The following JTB variants were observed in gnomAD, a reference collection of about 807,000 sequenced individuals.
JTB encodes the protein jumping translocation breakpoint, also known as protein JTB.
JTB carries 10 observed loss-of-function variants against 22.1 expected under a neutral mutation model. The observed-to-expected ratio is 0.45, with a 90% CI of 0.28 to 0.77. JTB has a LOEUF of 0.77. JTB is among the 30% of genes least tolerant of loss of function. JTB has a pLI of 0.13. For synonymous variants in JTB, 83 were observed against 66.8 expected (o/e 1.24, Z -1.18); for missense variants, 137 against 180.3 (o/e 0.76, Z 1.38).
chr1:153,977,238 G>A lies in JTB; in HGVS notation c.15C>T (p.Ala5=). 6.2e-7 allele frequency: 1 copy of A among 1,614,118 alleles called. No individual in the cohort carries two copies. The highest frequency in any genetic ancestry group is 1.1e-5 in the South Asian group (1 of 91,050). The change falls in exon 1 of 5, where the codon GCC becomes GCT. Residue 5 remains alanine (A), a synonymous_variant. Coordinates refer to ENST00000271843, the MANE Select transcript of JTB (RefSeq NM_006694.4). ...GGCCCTGGGGGAGGCCAGGCCTCCC[G>A]GCACCCGCAAGCATGGAGCGCCAAG... The part of the protein sequence containing the change: MLAG[A]GRPGLPQGRH...
At position 153,977,551 on chromosome 1, in the gene JTB, C is replaced by T; in HGVS notation, c.-299G>A. 2 of 1,123,370 alleles carry T rather than the reference C, an allele frequency of 1.8e-6. No individual in the cohort carries two copies. Among genetic ancestry groups the T allele is most frequent in the Non-Finnish European group, 2.2e-6 (2 of 913,826 alleles). 69.6% of individuals were successfully genotyped at this position (1,123,370 alleles called of 1,614,324 possible). On this transcript the variant is annotated 5_prime_UTR_variant, in exon 1 of 5. Transcript: ENST00000271843. ...GCCCTAGCGCCCGCTCACCTCCGCT[C>T]CCGCCCCCGACGCAGCCATCTAGCC...
intron 4 of JTB, among the ~76,000 whole-genome samples, chr1:153,975,293 G>A (rs996218874): frequency 6.6e-6 from 1 of 151,458 alleles, no homozygotes; most frequent in Non-Finnish European, 1.5e-5. Flanking sequence ...GCTAATTTTT[G>A]TATCTTTAAG....
rs1648805472 is a variant in JTB, at chr1:153,976,695, C to G, written c.202G>C (p.Ala68Pro). ...AGGGTAGAGAAATAGATACTCACAG[C>G]CCGGAAATTAGAGCATGGAGAGCAC... ...EECSPCSNFR[A>P]KTTPECGPTG... Residue 68 changes from alanine to proline, a missense_variant and splice_region_variant, in exon 3 of 5, where the codon GCT becomes CCT. Transcript: ENST00000271843. The G allele has an allele frequency of 6.2e-7, 1 of 1,613,412 alleles. No individual in the cohort carries two copies. The highest frequency in any genetic ancestry group is 2.2e-5 in the East Asian group (1 of 44,870).
chr1:153,977,664 T>A lies in JTB; in HGVS notation c.-412A>T, dbSNP rs1280223034. On this transcript the variant is annotated 5_prime_UTR_variant, in exon 1 of 5. Transcript: ENST00000271843. ...CGTCGCCCGCTGGGGCTTATAGTCT[T>A]CCGCGTCGGTGGCGCCTCGCCTGCT... The A allele has an allele frequency of 1.0e-6, 1 of 990,882 alleles. No individual in the cohort carries two copies. The highest frequency in any genetic ancestry group is 1.7e-5 in the African/African-American group (1 of 57,366). 61.4% of individuals were successfully genotyped at this position (990,882 alleles called of 1,614,324 possible).
chr1:153,977,621 T>G lies in JTB; in HGVS notation c.-369A>C. 2 of 1,013,654 alleles carry G rather than the reference T, an allele frequency of 2.0e-6. No individual in the cohort carries two copies. The highest frequency in any genetic ancestry group is 1.2e-6 in the Non-Finnish European group (1 of 847,654). The allele number at this position is 1,013,654 out of a possible 1,614,324, so 62.8% of individuals were successfully genotyped here. The stretch of plus-strand genomic sequence containing the variant: ...GCGGGACCGAGCTCGGGGCCCGGTG[T>G]TCCCGGGGGCGTTCGGTCGTCGCCC... On this transcript the variant is annotated 5_prime_UTR_variant, in exon 1 of 5. Transcript: ENST00000271843.
intron 4 of JTB, among the ~76,000 whole-genome samples, chr1:153,975,069 C>T (rs1317055777): frequency 1.3e-5 from 2 of 152,168 alleles, no homozygotes; most frequent in Non-Finnish European, 2.9e-5. Flanking sequence ...TAACATAGTG[C>T]TGAGGAGTAG....
chr1:153,975,943 G>A (rs760197674), intron 3 of JTB, 38 bp from the exon 4 acceptor site: 51 of 1,469,058 alleles, frequency 3.5e-5, no homozygotes, highest in Middle Eastern at 3.4e-4. Flanking sequence ...TGTTAGGAAG[G>A]GGCAACAGGA....
Position 153,974,852 on chromosome 1 carries a change from A to C in JTB, c.285-17T>G. The C allele has an allele frequency of 1.3e-6, 2 of 1,593,424 alleles. No individual in the cohort carries two copies. The highest frequency in any genetic ancestry group is 1.7e-6 in the Non-Finnish European group (2 of 1,163,196). On this transcript the variant is annotated splice_polypyrimidine_tract_variant and intron_variant, in intron 4 of 4. Coordinates refer to ENST00000271843, the MANE Select transcript of JTB (RefSeq NM_006694.4). ...GAGCGGCAGCTGAGGGCAGGAAGGA[A>C]TAGTTATTCCCAAGGAAGGCCAGAC...
chr1:153,977,127 T>C, intron 1 of JTB, 43 bp downstream of exon 1: 1 of 1,614,032 alleles, frequency 6.2e-7, no homozygotes, highest in East Asian at 2.2e-5. Context: ...AACGATCCTG[T>C]CCTCCAGTGA....
At position 153,974,315 on chromosome 1, in the gene JTB, G is replaced by A. The variant is rs2102181444; in HGVS notation, c.*364C>T. 2.1e-6 allele frequency: 1 copy of A among 468,112 alleles called. No individual in the cohort carries two copies. Among genetic ancestry groups the A allele is most frequent in the South Asian group, 4.4e-5 (1 of 22,868 alleles). 29.0% of individuals were successfully genotyped at this position (468,112 alleles called of 1,614,324 possible). On this transcript the variant is annotated 3_prime_UTR_variant, in exon 5 of 5. Coordinates refer to ENST00000271843, the MANE Select transcript of JTB (RefSeq NM_006694.4). ...TTATTTCTTCTTTGGGTATAGGGTT[G>A]AGGGGAAATAAGTTTTGAGTGAGAA...
rs537869728 is a variant in JTB, at chr1:153,975,891, C to T, written c.219G>A (p.Glu73=). 6.2e-6 allele frequency: 10 copies of T among 1,613,914 alleles called. No individual in the cohort carries two copies. In the East Asian group the frequency reaches 1.8e-4, roughly 29 times the overall value. ...TCTCTACATATCCTGTGGGACCACA[C>T]TCAGGGGTAGTTTTCTGCCAGGAGA... ...CSNFRAKTTP[E]CGPTGYVEKI... is the part of the protein sequence containing the mutation. The change falls in exon 4 of 5, where the codon GAG becomes GAA. Residue 73 remains glutamate, a synonymous_variant. Transcript: ENST00000271843.
rs1235096388 is a variant in JTB at position 153,977,002 on chromosome 1, G to C, written c.95C>G (p.Ala32Gly). 1.9e-6 allele frequency: 3 copies of C among 1,614,078 alleles called. No individual in the cohort carries two copies. In the African/African-American group the frequency reaches 4.0e-5, roughly 22 times the overall value. ...AFTLKLCQAE[A>G]PVQEEKLSAS... is the part of the protein sequence containing the mutation. Reference sequence around the variant, plus strand: ...TGACAGCTTCTCTTCCTGCACGGGAGCCTCTGCTTGGCTGTAGCGGAGTTG... The same window carrying C: ...TGACAGCTTCTCTTCCTGCACGGGACCCTCTGCTTGGCTGTAGCGGAGTTG... Residue 32 changes from alanine (A) to glycine (G), a missense_variant, in exon 2 of 5, where the codon GCT becomes GGT. By Grantham distance (60) the Ala-to-Gly change is moderately conservative. Transcript: ENST00000271843.
Position 153,977,087 on chromosome 1 carries a change from G to C in JTB, c.84-74C>G, listed in dbSNP as rs1011787788. On this transcript the variant is annotated intron_variant, in intron 1 of 4. Coordinates refer to ENST00000271843, the MANE Select transcript of JTB (RefSeq NM_006694.4). ...GGCACCCCCTCCTGCGCTGTCCATG[G>C]ATAAGATCTCCCCCAGCCCCGAGGC... 1.9e-6 allele frequency: 3 copies of C among 1,614,012 alleles called. No individual in the cohort carries two copies. In the Admixed American group the frequency reaches 5.0e-5, roughly 27 times the overall value.
At chr1:153,976,659 TAAA>T in intron 3 of JTB, 31 bp downstream of exon 3, 2 of 1,190,234 alleles carry the variant, frequency 1.7e-6, no homozygotes, top group Non-Finnish European at 2.3e-6. Flanking sequence ...CTTAGATGTT[TAAA>T]AAAAAAAAGG....
In JTB at chr1:153,977,592, G is replaced by C; in HGVS notation, c.-340C>G. 9.7e-7 allele frequency: 1 copy of C among 1,035,928 alleles called. No homozygotes were observed. Among genetic ancestry groups the C allele is most frequent in the Non-Finnish European group, 1.2e-6 (1 of 861,706 alleles). 64.2% of individuals were successfully genotyped at this position (1,035,928 alleles called of 1,614,324 possible). ...CCATCTAGCCCCGTGGAGGATCCTC[G>C]GGCGCGGGACCGAGCTCGGGGCCCG... On this transcript the variant is annotated 5_prime_UTR_variant, in exon 1 of 5. Transcript: ENST00000271843.
chr1:153,975,675 C>T (rs1648768840), intron 4 of JTB, 151 bp downstream of exon 4: 1 of 613,488 alleles, frequency 1.6e-6, no homozygotes, highest in Non-Finnish European at 2.9e-6. Context: ...TAGCCTCAGC[C>T]TCCCTAAGTA....
At position 153,977,288 on chromosome 1, in the gene JTB, A is replaced by T. The variant is rs750697427; in HGVS notation, c.-36T>A. The T allele has an allele frequency of 3.7e-6, 6 of 1,610,294 alleles. No homozygotes were observed. Among genetic ancestry groups the T allele is most frequent in the Non-Finnish European group, 5.1e-6 (6 of 1,178,410 alleles). ...GTGTCGCACCTGTCGGAACAGAGGGACCTACTCCACAGGCCTCGTGCCTCC... is the reference window on the plus strand; with the variant it reads ...GTGTCGCACCTGTCGGAACAGAGGGTCCTACTCCACAGGCCTCGTGCCTCC... On this transcript the variant is annotated 5_prime_UTR_variant, in exon 1 of 5. Coordinates refer to ENST00000271843, the MANE Select transcript of JTB (RefSeq NM_006694.4).
chr1:153,977,358 T>C lies in JTB; in HGVS notation c.-106A>G. On this transcript the variant is annotated 5_prime_UTR_variant, in exon 1 of 5. Coordinates refer to ENST00000271843, the MANE Select transcript of JTB (RefSeq NM_006694.4). ...ACTTACTCTGCAGCCCTCCCAGAGG[T>C]TCCAGGTCAGGGCAGGGAAGGCCGG... 2.6e-6 allele frequency: 4 copies of C among 1,520,672 alleles called. No homozygotes were observed. Among genetic ancestry groups the C allele is most frequent in the Non-Finnish European group, 3.5e-6 (4 of 1,139,298 alleles). The allele number at this position is 1,520,672 out of a possible 1,614,324, so 94.2% of individuals were successfully genotyped here.
intron 2 of JTB, 62 bp downstream of exon 2, chr1:153,976,914 G>C: frequency 6.2e-7 from 1 of 1,610,136 alleles, no homozygotes; most frequent in Non-Finnish European, 8.5e-7. Context: ...TTGGTATATG[G>C]GGAAGATACT....
Sources: gnomAD v4.1 joint callset for allele counts (sites outside exome capture counted in the v4.1 genomes callset) on GRCh38, gnomAD v4.1.1 for gene constraint, MANE v1.5 for transcripts, NCBI Gene and HGNC (gene_info 2026-07-23, HGNC 2026-07-21) for gene names.